Variants in KLF8 observed in about 807,000 individuals in gnomAD.
KLF8 encodes the protein Krueppel-like factor 8.
Under a neutral mutation model 18.2 loss-of-function variants are expected in KLF8, and 10 were observed. The ratio of observed to expected loss-of-function variants is 0.55; its 90% CI spans 0.34 to 0.93. KLF8 has a LOEUF of 0.93. Ranked by LOEUF, KLF8 falls within the 40% of genes least tolerant of loss-of-function variation. KLF8 has a pLI of 0.02. For synonymous variants in KLF8, 109 were observed against 97.3 expected (o/e 1.12, Z -0.71); for missense variants, 264 against 277.9 (o/e 0.95, Z 0.36).
At chrX:56,003,802 A>T in the KLF8 span, among the ~76,000 whole-genome samples, 4 of 112,084 alleles carry the variant, frequency 3.6e-5, no homozygotes, top group South Asian at 1.1e-3. Flanking sequence ...TTTGCTTATC[A>T]TGGGCTTCTA....
At chrX:56,089,238 G>A in the KLF8 span, among the ~76,000 whole-genome samples, 4 of 111,190 alleles carry the variant, frequency 3.6e-5, no homozygotes, top group Non-Finnish European at 5.7e-5. Context: ...CAGAATTTAC[G>A]GGAAAGAAAG....
the KLF8 span, among the ~76,000 whole-genome samples, chrX:55,993,304 G>T: frequency 8.9e-6 from 1 of 111,867 alleles, no homozygotes; most frequent in Non-Finnish European, 1.9e-5. Flanking sequence ...GGTTTCTAAC[G>T]TAAAGGGATG....
chrX:55,955,045 AT>A, the KLF8 span, among the ~76,000 whole-genome samples: 1 of 111,783 alleles, frequency 8.9e-6, no homozygotes, highest in Non-Finnish European at 1.9e-5. Context: ...AGTAATGGAA[AT>A]GTTATAAAAT....
chrX:55,989,130 C>T, the KLF8 span, among the ~76,000 whole-genome samples: 1 of 111,888 alleles, frequency 8.9e-6, no homozygotes, highest in African/African-American at 3.3e-5. Flanking sequence ...TCTAGATATA[C>T]AAACATGTCG....
chrX:56,262,311 T>C (rs1208104249), intron 2 of KLF8, among the ~76,000 whole-genome samples: 1 of 112,137 alleles, frequency 8.9e-6, no homozygotes, highest in Non-Finnish European at 1.9e-5. Context: ...TTTCTTGACT[T>C]TCATCAATCA....
At chrX:56,215,240 G>T in the KLF8 span, among the ~76,000 whole-genome samples, 2 of 111,943 alleles carry the variant, frequency 1.8e-5, no homozygotes, top group African/African-American at 6.5e-5. Flanking sequence ...TTGGTGATCT[G>T]TATATTAAAT....
the KLF8 span, among the ~76,000 whole-genome samples, chrX:56,212,273 C>G: frequency 8.9e-6 from 1 of 111,736 alleles, no homozygotes; most frequent in African/African-American, 3.3e-5. Context: ...AACTGTGTAG[C>G]CTGGTGTTTC....
the KLF8 span, among the ~76,000 whole-genome samples, chrX:55,965,243 A>C: frequency 1.8e-5 from 2 of 112,515 alleles, no homozygotes; most frequent in Non-Finnish European, 3.8e-5. Flanking sequence ...AACATATACA[A>C]ATCTATACAT....
At chrX:56,107,791 C>T in the KLF8 span, among the ~76,000 whole-genome samples, 3 of 111,159 alleles carry the variant, frequency 2.7e-5, no homozygotes, top group Admixed American at 9.6e-5. Context: ...CAGAAATCAC[C>T]CATCTTCTGC....
the KLF8 span, among the ~76,000 whole-genome samples, chrX:56,129,977 G>A: frequency 9.1e-6 from 1 of 110,351 alleles, no homozygotes; most frequent in Non-Finnish European, 1.9e-5. Context: ...CATTGACATG[G>A]GTACCATACC....
chrX:55,993,316 T>C, the KLF8 span, among the ~76,000 whole-genome samples: 1 of 112,115 alleles, frequency 8.9e-6, no homozygotes, highest in Non-Finnish European at 1.9e-5. Flanking sequence ...AAAGGGATGT[T>C]GAATTGCATT....
the KLF8 span, among the ~76,000 whole-genome samples, chrX:56,205,775 C>A: frequency 8.9e-6 from 1 of 111,832 alleles, no homozygotes; most frequent in African/African-American, 3.2e-5. Context: ...CCAGTGAAGC[C>A]ACTGGGTCCC....
Position 56,287,795 on chromosome X carries a change from C to T in KLF8, c.*3301C>T, listed in dbSNP as rs1287424674. The T allele has an allele frequency of 9.0e-6, 1 of 111,423 alleles. No homozygotes were observed. The highest frequency in any genetic ancestry group is 1.9e-5 in the Non-Finnish European group (1 of 53,052). 9.2% of individuals were successfully genotyped at this position (111,423 alleles called of 1,213,427 possible). ...GCTAGTACAGAGAGGTCTCATTTACCCCACACCCAGTTTCTCCTGTTATTA... is the reference window on the plus strand; with the variant it reads ...GCTAGTACAGAGAGGTCTCATTTACTCCACACCCAGTTTCTCCTGTTATTA... On this transcript the variant is annotated 3_prime_UTR_variant, in exon 6 of 6. Coordinates refer to ENST00000468660, the MANE Select transcript of KLF8 (RefSeq NM_007250.5).
chrX:56,271,449 C>T (rs1341942934), intron 5 of KLF8, among the ~76,000 whole-genome samples: 4 of 111,423 alleles, frequency 3.6e-5, no homozygotes, highest in Admixed American at 1.9e-4. Context: ...GCCTTGGAGA[C>T]TCCTTCTCCA....
chrX:56,195,467 T>C, the KLF8 span, among the ~76,000 whole-genome samples: 1 of 111,416 alleles, frequency 9.0e-6, no homozygotes, highest in Non-Finnish European at 1.9e-5. Context: ...TTCAATGAAG[T>C]GGAAGAAAGG....
the KLF8 span, among the ~76,000 whole-genome samples, chrX:56,031,189 C>T: frequency 1.8e-5 from 2 of 111,528 alleles, no homozygotes; most frequent in African/African-American, 3.3e-5. Context: ...CCCATGTTTT[C>T]TCAAGACAAA....
At chrX:55,980,851 C>G in the KLF8 span, among the ~76,000 whole-genome samples, 28 of 112,313 alleles carry the variant, frequency 2.5e-4, no homozygotes, top group Non-Finnish European at 3.6e-4. Flanking sequence ...CTTCTCCCCC[C>G]CTCCATAGCA....
At chrX:56,259,222 A>G (rs959615379) in intron 2 of KLF8, among the ~76,000 whole-genome samples, 2 of 110,343 alleles carry the variant, frequency 1.8e-5, no homozygotes, top group Admixed American at 1.9e-4. Context: ...CCCCCATTTT[A>G]TTACTATTGT....
At chrX:56,036,364 G>C in the KLF8 span, among the ~76,000 whole-genome samples, 5 of 111,760 alleles carry the variant, frequency 4.5e-5, no homozygotes, top group Middle Eastern at 9.2e-3. Context: ...TATAGGGTGA[G>C]AGTTGGTGGT....
Sources: allele counts gnomAD v4.1 joint callset (sites outside exome capture counted in the v4.1 genomes callset), GRCh38; gene constraint gnomAD v4.1.1; transcripts MANE v1.5; gene names NCBI Gene and HGNC (gene_info 2026-07-23, HGNC 2026-07-21).